Variants in FAM120B observed in about 807,000 individuals in gnomAD.
FAM120B encodes the protein family with sequence similarity 120 member B, also known as constitutive coactivator of peroxisome proliferator-activated receptor gamma.
Under a neutral mutation model 96.3 loss-of-function variants are expected in FAM120B, and 83 were observed. That is an observed-to-expected ratio of 0.86 (90% CI 0.72 to 1.03). The LOEUF is 1.03. FAM120B is among the 50% of genes least tolerant of loss of function. FAM120B has a pLI of 0.00. For synonymous variants in FAM120B, 407 were observed against 402.7 expected (o/e 1.01, Z -0.13); for missense variants, 1,027 against 1,121.2 (o/e 0.92, Z 1.20).
chr6:170,335,661 A>G (rs1352878403), intron 4 of FAM120B, among the ~76,000 whole-genome samples: 1 of 152,244 alleles, frequency 6.6e-6, no homozygotes, highest in Non-Finnish European at 1.5e-5. Context: ...ACTAATTTAC[A>G]GTCCCATCAG....
chr6:170,347,077 T>C (rs763156744), intron 4 of FAM120B, among the ~76,000 whole-genome samples: 1 of 152,218 alleles, frequency 6.6e-6, no homozygotes, highest in African/African-American at 2.4e-5. Flanking sequence ...TCACTTCTGA[T>C]GGCGGGAAAT....
At chr6:170,327,169 C>T (rs1402524791) in intron 3 of FAM120B, among the ~76,000 whole-genome samples, 3 of 152,108 alleles carry the variant, frequency 2.0e-5, no homozygotes, top group Non-Finnish European at 4.4e-5. Context: ...GCCTCAGCCT[C>T]CCAAGTACCT....
chr6:170,330,608 T>G, intron 4 of FAM120B, 58 bp downstream of exon 4: 1 of 1,267,556 alleles, frequency 7.9e-7, no homozygotes, highest in Non-Finnish European at 1.1e-6. Flanking sequence ...GATAAAAGTC[T>G]AAGAATGCAT....
chr6:170,295,994 C>G lies in FAM120B; in HGVS notation c.48+541C>G, dbSNP rs1783992471. On this transcript the variant is annotated intron_variant, in intron 1 of 10. Transcript: ENST00000537664. The surrounding 1 kb of genome is among the most constrained non-coding windows in gnomAD (Gnocchi z 7.8). ...CGGGCCCCCGCCCCCTCCTCTGCGC[C>G]GCGGCTCCTTCCCCTGGAACCCGCG... 6.6e-6 allele frequency among the ~76,000 whole-genome samples: 1 copy of G among 152,074 alleles called. No homozygotes were observed. Among genetic ancestry groups the G allele is most frequent in the East Asian group, 2.0e-4 (1 of 5,120 alleles).
intron 5 of FAM120B, among the ~76,000 whole-genome samples, chr6:170,351,871 A>G (rs1245381255): frequency 6.6e-6 from 1 of 152,212 alleles, no homozygotes; most frequent in East Asian, 1.9e-4. Context: ...CTGTGAAGCA[A>G]CCACATAAAC....
At chr6:170,342,072 C>G (rs369763155) in intron 4 of FAM120B, among the ~76,000 whole-genome samples, 91 of 152,258 alleles carry the variant, frequency 6.0e-4, no homozygotes, top group African/African-American at 2.0e-3. Flanking sequence ...ACCTTGGAGT[C>G]CAGTGTTTGA....
chr6:170,329,177 C>CTGCCCTGCTCTCTGGTGCTG (rs1785826657), intron 3 of FAM120B, among the ~76,000 whole-genome samples: 1 of 152,258 alleles, frequency 6.6e-6, no homozygotes, highest in Non-Finnish European at 1.5e-5. Context: ...CATCTGCACA[C>CTGCCCTGCTCTCTGGTGCTG]TGCCCTGCTC....
At chr6:170,304,662 C>T (rs1014912797), upstream of FAM120B, among the ~76,000 whole-genome samples, 1 of 152,182 alleles carries the variant, frequency 6.6e-6, no homozygotes, top group African/African-American at 2.4e-5. Context: ...CCTCCCCAGT[C>T]CAGCTCTGCT....
chr6:170,330,387 G>T (rs1785934044), intron 3 of FAM120B, 62 bp from the exon 4 acceptor site: 2 of 1,345,344 alleles, frequency 1.5e-6, no homozygotes, highest in African/African-American at 1.4e-5. Flanking sequence ...CTGGGTCTGT[G>T]ACACTGTGAG....
At chr6:170,388,696 T>C (rs1790329266) in intron 7 of FAM120B, among the ~76,000 whole-genome samples, 1 of 152,212 alleles carries the variant, frequency 6.6e-6, no homozygotes, top group African/African-American at 2.4e-5. Flanking sequence ...TCTGAAATAC[T>C]TAGGACCAGA....
chr6:170,389,026 A>G (rs573529082), intron 7 of FAM120B, among the ~76,000 whole-genome samples: 43 of 152,300 alleles, frequency 2.8e-4, no homozygotes, highest in Admixed American at 8.5e-4. Flanking sequence ...TGTCCATTAA[A>G]TGGAGGTGAT....
chr6:170,324,605 A>G (rs1440111980), intron 3 of FAM120B, among the ~76,000 whole-genome samples: 1 of 152,218 alleles, frequency 6.6e-6, no homozygotes, highest in African/African-American at 2.4e-5. Flanking sequence ...ATTAAACTAT[A>G]TAAATTTCAC....
chr6:170,395,433 T>G, intron 8 of FAM120B, 54 bp from the exon 9 acceptor site: 5 of 1,367,774 alleles, frequency 3.7e-6, no homozygotes, highest in South Asian at 2.5e-5. Context: ...TGCTGTGTCA[T>G]TTGGGTTAAG....
intron 5 of FAM120B, among the ~76,000 whole-genome samples, chr6:170,355,959 G>A (rs1357449871): frequency 1.3e-5 from 2 of 152,142 alleles, no homozygotes; most frequent in South Asian, 4.1e-4. Context: ...CAATGGGAAG[G>A]CCATTGTCAG....
At chr6:170,299,198 GTTGTT>G (rs1207278989) in intron 1 of FAM120B, among the ~76,000 whole-genome samples, 1 of 152,084 alleles carries the variant, frequency 6.6e-6, no homozygotes, top group Non-Finnish European at 1.5e-5. Context: ...TTTTATTGTT[GTTGTT>G]TTGTTTTGTT....
At chr6:170,313,749 C>T (rs539258996) in intron 1 of FAM120B, among the ~76,000 whole-genome samples, 8 of 152,228 alleles carry the variant, frequency 5.3e-5, no homozygotes, top group South Asian at 4.1e-4. Flanking sequence ...CTGTCTCTTA[C>T]GTGCCATTGC....
chr6:170,323,522 T>C (rs1243500440), intron 3 of FAM120B, among the ~76,000 whole-genome samples: 1 of 152,202 alleles, frequency 6.6e-6, no homozygotes, highest in Non-Finnish European at 1.5e-5. Flanking sequence ...AAATGTCATA[T>C]TTTTATGCCT....
intron 4 of FAM120B, among the ~76,000 whole-genome samples, chr6:170,337,503 G>A (rs1014576959): frequency 1.3e-5 from 2 of 149,844 alleles, no homozygotes; most frequent in African/African-American, 5.0e-5. Context: ...TTTTTTTGTT[G>A]TGTCTCTGCC....
chr6:170,377,304 T>G (rs36027997), intron 6 of FAM120B, among the ~76,000 whole-genome samples: 1 of 54,054 alleles, frequency 1.8e-5, no homozygotes, highest in South Asian at 8.7e-4. Flanking sequence ...TAATCCCAGA[T>G]GCCCGGGAGA....
Sources: gnomAD v4.1 joint callset for allele counts (sites outside exome capture counted in the v4.1 genomes callset) on GRCh38, gnomAD v4.1.1 for gene constraint, Gnocchi (gnomAD v3.1) non-coding constraint, MANE v1.5 for transcripts, NCBI Gene and HGNC (gene_info 2026-07-23, HGNC 2026-07-21) for gene names.